The following TRIO variants were observed in gnomAD, a reference collection of about 807,000 sequenced individuals.
The protein encoded by TRIO is trio Rho guanine nucleotide exchange factor, also known as triple functional domain protein.
A neutral mutation model predicts 351.9 loss-of-function variants in TRIO; 58 were observed. That is an observed-to-expected ratio of 0.16 (90% CI 0.13 to 0.21). The LOEUF is 0.21. Ranked by LOEUF, TRIO falls within the 10% of genes least tolerant of loss-of-function variation. The pLI, the probability that TRIO is intolerant of heterozygous loss-of-function variation, is 1.00. For synonymous variants in TRIO, 1,758 were observed against 1,595.7 expected (o/e 1.10, Z -2.42); for missense variants, 3,201 against 4,027.8 (o/e 0.79, Z 5.56).
At chr5:14,172,169 A>T (rs1789138709) in intron 1 of TRIO, among the ~76,000 whole-genome samples, 1 of 152,134 alleles carries the variant, frequency 6.6e-6, no homozygotes, top group South Asian at 2.1e-4. Context: ...GCTTGAAGTC[A>T]GTGTCAGTTA....
Position 14,492,601 on chromosome 5 carries a change from T to A in TRIO, c.7667T>A (p.Met2556Lys). 1.9e-6 allele frequency: 3 copies of A among 1,614,206 alleles called. No homozygotes were observed. The highest frequency in any genetic ancestry group is 2.5e-6 in the Non-Finnish European group (3 of 1,180,036). ...AGCAGCAGTAGCAACATCTCCACCA[T>A]GTTGGTGACACACGATTACACGGCA... Reference protein sequence around the residue: ...ESSSSSNISTMLVTHDYTAVK... With the variant: ...ESSSSSNISTKLVTHDYTAVK... Residue 2556 changes from methionine (M) to lysine (K), a missense_variant, in exon 49 of 57, where the codon ATG becomes AAG. Met to Lys is a moderately conservative substitution (Grantham distance 95, BLOSUM62 -1). Around this residue, in one of 19 missense-constraint regions of TRIO, gnomAD observed 1,089 missense variants for 954.9 expected, o/e 1.14. Transcript: ENST00000344204.
intron 48 of TRIO, chr5:14,489,063 G>T (rs368031530): frequency 7.8e-6 from 6 of 765,090 alleles, no homozygotes; most frequent in Non-Finnish European, 1.2e-5. Flanking sequence ...CTTTCCTGAA[G>T]GCATGCGTGA....
intron 46 of TRIO, among the ~76,000 whole-genome samples, chr5:14,483,941 ACTGCACCCATACGCTGAG>A (rs1354985977): frequency 5.9e-5 from 9 of 151,648 alleles, no homozygotes; most frequent in African/African-American, 2.2e-4. Flanking sequence ...CATACGCTGA[ACTGCACCCATACGCTGAG>A]CCGCACCCAT....
intron 34 of TRIO, 31 bp downstream of exon 34, chr5:14,420,052 C>A: frequency 2.5e-6 from 4 of 1,600,564 alleles, no homozygotes; most frequent in Non-Finnish European, 3.4e-6. Flanking sequence ...GGTGGCAGAC[C>A]CCTACTGGAA....
Position 14,424,046 on chromosome 5 carries a change from AAAAT to A in TRIO, c.5203+4041_5203+4044del, listed in dbSNP as rs144336409. Among the ~76,000 whole-genome samples, 1,023 of 151,990 alleles carry A rather than the reference AAAAT, an allele frequency of 6.7e-3. 9 individuals carry two copies. Among genetic ancestry groups the A allele is most frequent in the African/African-American group, 0.023 (932 of 41,378 alleles). ...CAACAGAGTGAGACCTCATCTCTAA[AAAAT>A]AAATAAATAAATAAAATGAAATGGG... On this transcript the variant is annotated intron_variant, in intron 34 of 56. Coordinates refer to ENST00000344204, the MANE Select transcript of TRIO (RefSeq NM_007118.4).
At chr5:14,193,728 G>C (rs1790583065) in intron 1 of TRIO, among the ~76,000 whole-genome samples, 1 of 152,112 alleles carries the variant, frequency 6.6e-6, no homozygotes, top group Admixed American at 6.5e-5. Flanking sequence ...GTATCTCATT[G>C]AACACTTCCT....
intron 36 of TRIO, among the ~76,000 whole-genome samples, chr5:14,463,616 A>T (rs1753995848): frequency 6.6e-6 from 1 of 151,968 alleles, no homozygotes; most frequent in Non-Finnish European, 1.5e-5. Context: ...CACATCCTCT[A>T]GCATTCTGGC....
At chr5:14,233,446 C>T (rs1793582708) in intron 1 of TRIO, among the ~76,000 whole-genome samples, 1 of 151,670 alleles carries the variant, frequency 6.6e-6, no homozygotes, top group South Asian at 2.1e-4. Context: ...GCTAATATGG[C>T]ACCACTGCAT....
chr5:14,403,647 TGG>T (rs1748398021), intron 31 of TRIO, among the ~76,000 whole-genome samples: 7 of 129,606 alleles, frequency 5.4e-5, no homozygotes, highest in South Asian at 5.6e-4. Context: ...AGGGTGCAGG[TGG>T]TGGTGAGGGT....
At chr5:14,338,336 T>C (rs1297365954) in intron 11 of TRIO, among the ~76,000 whole-genome samples, 2 of 152,196 alleles carry the variant, frequency 1.3e-5, no homozygotes, top group Non-Finnish European at 2.9e-5. Context: ...TTGCAGCCTG[T>C]CTTGTGCTGT....
At chr5:14,274,618 G>A (rs1324869400) in intron 2 of TRIO, among the ~76,000 whole-genome samples, 4 of 152,090 alleles carry the variant, frequency 2.6e-5, no homozygotes, top group Non-Finnish European at 4.4e-5. Flanking sequence ...TTACTTGATT[G>A]TCCTGAGAAA....
intron 1 of TRIO, among the ~76,000 whole-genome samples, chr5:14,249,002 C>T (rs1444913269): frequency 6.6e-6 from 1 of 152,158 alleles, no homozygotes. Context: ...GTGCTATGCT[C>T]AACACAGGGG....
At chr5:14,471,157 G>T (rs1176302308) in intron 37 of TRIO, among the ~76,000 whole-genome samples, 161 bp from the exon 38 acceptor site, 3 of 151,808 alleles carry the variant, frequency 2.0e-5, no homozygotes, top group East Asian at 1.9e-4. Context: ...TAATAGTTGG[G>T]TTTTTTGTGT....
At chr5:14,233,781 T>C (rs950132527) in intron 1 of TRIO, among the ~76,000 whole-genome samples, 2 of 152,104 alleles carry the variant, frequency 1.3e-5, no homozygotes, top group East Asian at 1.9e-4. Flanking sequence ...GGTTTTGTGT[T>C]TTTTGTTTGT....
chr5:14,278,929 G>A (rs1561284342), intron 2 of TRIO, among the ~76,000 whole-genome samples: 1 of 152,200 alleles, frequency 6.6e-6, no homozygotes, highest in Non-Finnish European at 1.5e-5. Context: ...TTTTGTCTGG[G>A]CGAAGACCTA....
At chr5:14,270,681 T>A in intron 1 of TRIO, 144 bp from the exon 2 acceptor site, 1 of 678,216 alleles carries the variant, frequency 1.5e-6, no homozygotes, top group Non-Finnish European at 2.6e-6. Flanking sequence ...GACATGGAAT[T>A]TAAATGTTGT....
At chr5:14,249,545 G>A (rs1468480028) in intron 1 of TRIO, among the ~76,000 whole-genome samples, 3 of 152,186 alleles carry the variant, frequency 2.0e-5, no homozygotes, top group Non-Finnish European at 4.4e-5. Flanking sequence ...ATGTGTTGAG[G>A]TTAAGCAGCT....
chr5:14,381,382 A>G, intron 21 of TRIO, 130 bp downstream of exon 21: 1 of 1,183,746 alleles, frequency 8.4e-7, no homozygotes, highest in Non-Finnish European at 1.1e-6. Context: ...TAACTGGAGG[A>G]TGCTTCCTCC....
Position 14,247,095 on chromosome 5 carries a change from C to T in TRIO, c.158-23730C>T, listed in dbSNP as rs530024669. Among the ~76,000 whole-genome samples the T allele has an allele frequency of 6.6e-5, 10 of 152,388 alleles. No individual in the cohort carries two copies. The East Asian group carries it at 7.7e-4, about 12-fold the overall frequency. On this transcript the variant is annotated intron_variant, in intron 1 of 56. Coordinates refer to ENST00000344204, the MANE Select transcript of TRIO (RefSeq NM_007118.4). ...CCTCCCCCTTCCCCACAGCTCAGCC[C>T]GCTGAGCAAGGGCTGGCACCTGCAT...
Sources: gnomAD v4.1 joint callset for allele counts (sites outside exome capture counted in the v4.1 genomes callset) on GRCh38, gnomAD v4.1.1 for gene constraint, gnomAD v4.1.1 regional missense constraint, MANE v1.5 for transcripts, NCBI Gene and HGNC (gene_info 2026-07-23, HGNC 2026-07-21) for gene names.